Variants in RIN3 observed in about 807,000 individuals in gnomAD.
RIN3 encodes the protein Ras and Rab interactor 3.
RIN3 carries 54 observed loss-of-function variants against 76.3 expected under a neutral mutation model. The ratio of observed to expected loss-of-function variants is 0.71; its 90% CI spans 0.57 to 0.89. The LOEUF is 0.89. Ranked by LOEUF, RIN3 falls within the 40% of genes least tolerant of loss-of-function variation. The pLI, the probability that RIN3 is intolerant of heterozygous loss-of-function variation, is 0.00. For missense variants in RIN3, 1,256 were observed against 1,322.1 expected (o/e 0.95, Z 0.78); for synonymous variants, 576 against 564.0 (o/e 1.02, Z -0.30).
Position 92,652,092 on chromosome 14 carries a change from C to G in RIN3, c.1043C>G (p.Thr348Ser). 1 of 1,605,762 alleles carries G rather than the reference C, an allele frequency of 6.2e-7. No individual in the cohort carries two copies. The highest frequency in any genetic ancestry group is 8.5e-7 in the Non-Finnish European group (1 of 1,179,842). The stretch of plus-strand genomic sequence containing the variant: ...ACCTGCGAGAGACTCCCATGCCCCA[C>G]TGCAGGCCTGGGCCCCCTCAGGGAG... ...MMTCERLPCP[T>S]AGLGPLREEA... The change falls in exon 6 of 10, where the codon ACT becomes AGT. Residue 348 changes from threonine (T) to serine (S), a missense_variant. By Grantham distance (58) the Thr-to-Ser change is moderately conservative. Around this residue, in one of 3 missense-constraint regions of RIN3, gnomAD observed 610 missense variants for 626.4 expected, o/e 0.97. Transcript: ENST00000216487. This position sits in a 1 kb window ranked among gnomAD's most constrained non-coding sequence, Gnocchi z 6.4.
In RIN3 at chr14:92,681,443, A is replaced by G. The variant is rs1213736209; in HGVS notation, c.2468-3544A>G. Among the ~76,000 whole-genome samples the G allele has an allele frequency of 6.6e-6, 1 of 152,200 alleles. No individual in the cohort carries two copies. The highest frequency in any genetic ancestry group is 1.5e-5 in the Non-Finnish European group (1 of 68,024). ...CATAGCCACCATGCGTTATTCACAC[A>G]TTCCGAAGCCCTGTACTTTACACAT... On this transcript the variant is annotated intron_variant, in intron 8 of 9. Transcript: ENST00000216487. This position sits in a 1 kb window ranked among gnomAD's most constrained non-coding sequence, Gnocchi z 4.7.
intron 5 of RIN3, among the ~76,000 whole-genome samples, chr14:92,644,243 T>C (rs116042915): frequency 6.6e-6 from 1 of 152,252 alleles, no homozygotes; most frequent in African/African-American, 2.4e-5. Context: ...GCAGGCCATG[T>C]TGGTAGAGTA....
chr14:92,664,944 A>G (rs1294234945), intron 7 of RIN3, among the ~76,000 whole-genome samples: 1 of 152,198 alleles, frequency 6.6e-6, no homozygotes, highest in Non-Finnish European at 1.5e-5. Context: ...GATCTGATGA[A>G]GGGTTAGATA....
At chr14:92,515,872 T>C (rs546165714) in intron 1 of RIN3, among the ~76,000 whole-genome samples, 1 of 152,348 alleles carries the variant, frequency 6.6e-6, no homozygotes, top group African/African-American at 2.4e-5. Context: ...TTGGAGGACC[T>C]TTTGGGTTGG....
intron 1 of RIN3, among the ~76,000 whole-genome samples, chr14:92,516,926 T>A (rs1265588490): frequency 3.3e-5 from 5 of 152,144 alleles, no homozygotes; most frequent in Non-Finnish European, 5.9e-5. Context: ...GAGAGAGGCA[T>A]GATATTTGAA....
At chr14:92,629,877 C>A (rs1330404974) in intron 4 of RIN3, among the ~76,000 whole-genome samples, 1 of 152,244 alleles carries the variant, frequency 6.6e-6, no homozygotes, top group Non-Finnish European at 1.5e-5. Context: ...GCTCCAGAGG[C>A]CTCACTGTGT....
chr14:92,574,519 T>C (rs1425441055), intron 2 of RIN3, among the ~76,000 whole-genome samples: 1 of 152,200 alleles, frequency 6.6e-6, no homozygotes, highest in African/African-American at 2.4e-5. Flanking sequence ...TCCAGCTTGC[T>C]TGTCTATGTT....
intron 1 of RIN3, among the ~76,000 whole-genome samples, chr14:92,555,070 G>A (rs74072950): frequency 1.3e-5 from 2 of 152,186 alleles, no homozygotes; most frequent in Non-Finnish European, 2.9e-5. Context: ...TAGTGGCTAC[G>A]GCAGCACAGA....
intron 5 of RIN3, among the ~76,000 whole-genome samples, chr14:92,647,643 G>C (rs1487858333): frequency 6.6e-6 from 1 of 152,188 alleles, no homozygotes; most frequent in Non-Finnish European, 1.5e-5. Context: ...GATGCCACAT[G>C]AATATTTATT....
chr14:92,641,404 G>T (rs1040979264), intron 5 of RIN3, 75 bp downstream of exon 5: 1 of 1,138,334 alleles, frequency 8.8e-7, no homozygotes, highest in South Asian at 1.3e-5. Flanking sequence ...CCCAGGGGCC[G>T]CCTGTGCAGA....
intron 6 of RIN3, among the ~76,000 whole-genome samples, chr14:92,657,140 C>G: frequency 6.6e-6 from 1 of 152,190 alleles, no homozygotes; most frequent in Admixed American, 6.5e-5. Context: ...GGGCAGATCA[C>G]TTGAGATCAG....
intron 7 of RIN3, among the ~76,000 whole-genome samples, chr14:92,662,855 C>T (rs996369472): frequency 4.0e-5 from 6 of 150,308 alleles, no homozygotes; most frequent in Admixed American, 2.6e-4. Context: ...TTTTTTAACA[C>T]GGGGTCTCTT....
chr14:92,566,161 G>A (rs1897910321), intron 2 of RIN3, among the ~76,000 whole-genome samples: 1 of 152,230 alleles, frequency 6.6e-6, no homozygotes, highest in African/African-American at 2.4e-5. Context: ...TGTTCGTCTA[G>A]TGGGAAGTCT....
chr14:92,518,577 C>T (rs1566823990), intron 1 of RIN3, among the ~76,000 whole-genome samples: 1 of 152,158 alleles, frequency 6.6e-6, no homozygotes, highest in Non-Finnish European at 1.5e-5. Flanking sequence ...CCCTGCTTGG[C>T]CCCAACTCCC....
intron 1 of RIN3, among the ~76,000 whole-genome samples, chr14:92,521,815 G>A (rs1896604564): frequency 6.6e-6 from 1 of 152,228 alleles, no homozygotes; most frequent in Non-Finnish European, 1.5e-5. Context: ...AAAGCACAGG[G>A]TACTGTATAA....
chr14:92,624,084 C>T (rs764098368), intron 4 of RIN3, among the ~76,000 whole-genome samples: 2 of 152,232 alleles, frequency 1.3e-5, no homozygotes, highest in South Asian at 2.1e-4. Flanking sequence ...GCGTAACAGT[C>T]GCTTTTGTTT....
chr14:92,626,230 G>A (rs947021498), intron 4 of RIN3, among the ~76,000 whole-genome samples: 1 of 152,138 alleles, frequency 6.6e-6, no homozygotes, highest in African/African-American at 2.4e-5. Flanking sequence ...GGGAATTTCT[G>A]GTCTGCTGCA....
intron 3 of RIN3, among the ~76,000 whole-genome samples, chr14:92,611,450 C>T (rs546768807): frequency 6.6e-6 from 1 of 152,138 alleles, no homozygotes; most frequent in Non-Finnish European, 1.5e-5. Context: ...CTAGTAGAGA[C>T]AGGTTTGACC....
intron 1 of RIN3, among the ~76,000 whole-genome samples, chr14:92,535,175 G>A (rs571148178): frequency 2.0e-5 from 3 of 152,114 alleles, no homozygotes; most frequent in Admixed American, 6.5e-5. Flanking sequence ...AGTAAGAAGC[G>A]CCAGGTCAAG....
Sources: allele counts gnomAD v4.1 joint callset (sites outside exome capture counted in the v4.1 genomes callset), GRCh38; gene constraint gnomAD v4.1.1; regional missense constraint gnomAD v4.1.1; non-coding constraint Gnocchi (gnomAD v3.1); transcripts MANE v1.5; gene names NCBI Gene and HGNC (gene_info 2026-07-23, HGNC 2026-07-21).